Variants in CDH12 observed in about 807,000 individuals in gnomAD.
The protein encoded by CDH12 is cadherin 12.
In CDH12, 41 loss-of-function variants were observed where a neutral mutation model predicts 74.1. The observed-to-expected ratio is 0.55, with a 90% CI of 0.43 to 0.72. The LOEUF (loss-of-function observed/expected upper bound fraction) is 0.72, where lower values mean the gene tolerates loss of function less well. CDH12 is among the 30% of genes least tolerant of loss of function. The pLI, the probability that CDH12 is intolerant of heterozygous loss-of-function variation, is 0.00. For missense variants in CDH12, 945 were observed against 977.2 expected, an observed-to-expected ratio of 0.97 and a Z score of 0.44; for synonymous variants, 399 against 355.0, an observed-to-expected ratio of 1.12 and a Z score of -1.39.
intron 1 of CDH12, among the ~76,000 whole-genome samples, chr5:22,584,009 A>G (rs1454821331): frequency 6.6e-6 from 1 of 151,996 alleles, no homozygotes; most frequent in Admixed American, 6.6e-5. Flanking sequence ...TAATGTATCC[A>G]TCAAACTATT....
chr5:21,946,192 CAT>C (rs943506641), intron 6 of CDH12, among the ~76,000 whole-genome samples: 40 of 152,092 alleles, frequency 2.6e-4, no homozygotes, highest in African/African-American at 9.2e-4. Flanking sequence ...ATTAAAGTGA[CAT>C]AGAAAACATT....
At chr5:22,610,224 A>G (rs1392051984) in intron 1 of CDH12, among the ~76,000 whole-genome samples, 1 of 152,224 alleles carries the variant, frequency 6.6e-6, no homozygotes, top group Non-Finnish European at 1.5e-5. Flanking sequence ...AAAAAGCTAC[A>G]AGATGGAAGG....
chr5:21,800,545 G>A (rs1397120904), intron 10 of CDH12, among the ~76,000 whole-genome samples: 1 of 152,122 alleles, frequency 6.6e-6, no homozygotes, highest in African/African-American at 2.4e-5. Flanking sequence ...TGGAAACAAG[G>A]AGAAGATGAC....
chr5:22,687,689 A>G (rs1741884032), intron 1 of CDH12, among the ~76,000 whole-genome samples: 3 of 152,180 alleles, frequency 2.0e-5, no homozygotes, highest in Non-Finnish European at 4.4e-5. Flanking sequence ...TTCTGGGATT[A>G]CAGGCGTGAG....
At chr5:22,039,322 T>C (rs1207819174) in intron 5 of CDH12, among the ~76,000 whole-genome samples, 1 of 152,078 alleles carries the variant, frequency 6.6e-6, no homozygotes, top group African/African-American at 2.4e-5. Context: ...AGCTATAATC[T>C]ATACTCCTGA....
intron 1 of CDH12, among the ~76,000 whole-genome samples, chr5:22,736,886 C>G (rs1384321098): frequency 9.9e-5 from 15 of 151,884 alleles, no homozygotes; most frequent in Admixed American, 9.9e-4. Flanking sequence ...TAATTGAGAA[C>G]TTTAAGCCAC....
intron 2 of CDH12, among the ~76,000 whole-genome samples, chr5:22,456,892 A>G (rs1252303292): frequency 1.3e-5 from 2 of 152,096 alleles, no homozygotes; most frequent in African/African-American, 4.8e-5. Flanking sequence ...GATGCACAAC[A>G]GTTTTGAGTG....
At chr5:21,955,359 G>A (rs911629439) in intron 6 of CDH12, among the ~76,000 whole-genome samples, 1 of 151,342 alleles carries the variant, frequency 6.6e-6, no homozygotes, top group Non-Finnish European at 1.5e-5. Context: ...ATATATATAA[G>A]GTATTGCATT....
At chr5:22,300,105 A>C (rs1225871820) in intron 3 of CDH12, among the ~76,000 whole-genome samples, 1 of 152,196 alleles carries the variant, frequency 6.6e-6, no homozygotes, top group African/African-American at 2.4e-5. Context: ...TAAGAACTGA[A>C]AGAAATGACA....
chr5:21,879,394 T>C (rs1752122071), intron 6 of CDH12, among the ~76,000 whole-genome samples: 1 of 152,220 alleles, frequency 6.6e-6, no homozygotes, highest in African/African-American at 2.4e-5. Flanking sequence ...AACAGTGAAC[T>C]TAACCTAGTG....
rs563927557 is a variant in CDH12 at position 22,293,142 on chromosome 5, T to C, written c.-332-80499A>G. 4.6e-5 allele frequency among the ~76,000 whole-genome samples: 7 copies of C among 152,286 alleles called. No individual in the cohort carries two copies. In the East Asian group the frequency reaches 1.4e-3, roughly 29 times the overall value. ...CCCTTAGTTCTGAAACTGCTCTTCC[T>C]GCTGCTGTAGCCCCTACCCCTGCTC... On this transcript the variant is annotated intron_variant, in intron 3 of 14. Transcript: ENST00000382254.
In CDH12 at chr5:22,059,975, G is replaced by A. The variant is rs529148653; in HGVS notation, c.231+18471C>T. On this transcript the variant is annotated intron_variant, in intron 5 of 14. Coordinates refer to ENST00000382254, the MANE Select transcript of CDH12 (RefSeq NM_004061.5). The stretch of plus-strand genomic sequence containing the variant: ...AGAAAATATGTATGTATACTAGAGA[G>A]GTTATATTTATCAAGAAGGTAATTT... Among the ~76,000 whole-genome samples, 13 of 152,148 alleles carry A rather than the reference G, an allele frequency of 8.5e-5. 2 individuals carry two copies. The highest frequency in any genetic ancestry group is 2.9e-4 in the African/African-American group (12 of 41,520).
At chr5:21,781,616 C>T (rs978025267) in intron 11 of CDH12, among the ~76,000 whole-genome samples, 2 of 151,758 alleles carry the variant, frequency 1.3e-5, no homozygotes, top group African/African-American at 4.8e-5. Flanking sequence ...ACCAGCTACT[C>T]GGTGGGTTGA....
rs1336180503 is a variant in CDH12 at position 22,667,945 on chromosome 5, T to C, written c.-522-162581A>G. On this transcript the variant is annotated intron_variant, in intron 1 of 14. Transcript: ENST00000382254. ...AATATCAAAGTGATGATTTCACTCT[T>C]TGTATTATAAGGAGGGAAAAAACAT... Among the ~76,000 whole-genome samples, 3 of 150,284 alleles carry C rather than the reference T, an allele frequency of 2.0e-5. No homozygotes were observed. In the East Asian group the frequency reaches 5.9e-4, roughly 30 times the overall value.
At chr5:22,694,946 G>A (rs3111136) in intron 1 of CDH12, among the ~76,000 whole-genome samples, 16,446 of 151,848 alleles carry the variant, frequency 0.11, 2,107 homozygotes, top group African/African-American at 0.31. Flanking sequence ...TAGGTTTTAA[G>A]CCCCGCATGC....
rs1427526513 is a variant in CDH12 at position 22,099,157 on chromosome 5, G to C, written c.-186-20295C>G. On this transcript the variant is annotated intron_variant, in intron 4 of 14. Coordinates refer to ENST00000382254, the MANE Select transcript of CDH12 (RefSeq NM_004061.5). ...TGGATAAGTAGAGGCCTTTCCTACA[G>C]GGTCTGAGAAGGCCACCACTGTCAT... is the stretch of plus-strand genomic sequence containing the variant. Among the ~76,000 whole-genome samples, 6 of 152,088 alleles carry C rather than the reference G, an allele frequency of 3.9e-5. No homozygotes were observed. The East Asian group carries it at 1.2e-3, about 29-fold the overall frequency.
intron 6 of CDH12, among the ~76,000 whole-genome samples, chr5:21,945,206 C>G (rs1479615064): frequency 6.6e-6 from 1 of 151,916 alleles, no homozygotes; most frequent in Non-Finnish European, 1.5e-5. Context: ...GGGTGGATCA[C>G]TTGAGGTCAG....
At chr5:22,677,981 C>T (rs1234908464) in intron 1 of CDH12, among the ~76,000 whole-genome samples, 1 of 150,556 alleles carries the variant, frequency 6.6e-6, no homozygotes, top group African/African-American at 2.4e-5. Context: ...ATCATGAGGT[C>T]CCCAAACTTG....
intron 4 of CDH12, among the ~76,000 whole-genome samples, chr5:22,191,667 C>T (rs182121829): frequency 3.7e-5 from 3 of 81,264 alleles, no homozygotes; most frequent in Non-Finnish European, 8.0e-5. Flanking sequence ...CGGGTTCACG[C>T]CATTCTCCTG....
Sources: allele counts gnomAD v4.1 joint callset (sites outside exome capture counted in the v4.1 genomes callset), GRCh38; gene constraint gnomAD v4.1.1; transcripts MANE v1.5; gene names NCBI Gene and HGNC (gene_info 2026-07-23, HGNC 2026-07-21).